CFAP58: variants seen among roughly 807,000 people sequenced by gnomAD.
The protein encoded by CFAP58 is cilia and flagella associated protein 58, also known as cilia- and flagella-associated protein 58.
CFAP58 carries 88 observed loss-of-function variants against 119.5 expected under a neutral mutation model. The ratio of observed to expected loss-of-function variants is 0.74; its 90% confidence interval spans 0.62 to 0.88. The LOEUF (loss-of-function observed/expected upper bound fraction) is 0.88, where lower values mean the gene tolerates loss of function less well. Among genes scored for constraint, CFAP58 ranks in the 40% least tolerant of loss-of-function variants. The probability of loss-of-function intolerance (pLI) is 0.00; values close to 1 mark genes in which losing one functional copy is unlikely to be tolerated. For synonymous variants in CFAP58, 365 were observed against 366.3 expected (o/e 1.00, Z 0.04); for missense variants, 990 against 1,021.2 (o/e 0.97, Z 0.42).
chr10:104,438,406 T>C lies in CFAP58; in HGVS notation c.2257-9292T>C, dbSNP rs369590341. 6.4e-3 allele frequency among the ~76,000 whole-genome samples: 893 copies of C among 138,712 alleles called. 9 individuals carry two copies. Among genetic ancestry groups the C allele is most frequent in the African/African-American group, 0.024 (831 of 35,320 alleles). The allele number at this position is 138,712 out of a possible 152,430, so 91.0% of individuals were successfully genotyped here. On this transcript the variant is annotated intron_variant, in intron 15 of 17. Coordinates refer to ENST00000369704, the MANE Select transcript of CFAP58 (RefSeq NM_001008723.2). ...TTTTTTGAGACGGAGTCTCGCTCTG[T>C]CGCCCAGGCCAGACTGCGGACTGCA... is the stretch of plus-strand genomic sequence containing the variant.
intron 15 of CFAP58, 24 bp from the exon 16 acceptor site, chr10:104,447,674 G>A (rs2013130932): frequency 6.2e-7 from 1 of 1,611,882 alleles, no homozygotes; most frequent in Admixed American, 1.7e-5. Context: ...GTTTATCTCT[G>A]CTCCTGGTTC....
At chr10:104,351,306 A>G (rs1256796106), upstream of CFAP58, among the ~76,000 whole-genome samples, 2 of 152,248 alleles carry the variant, frequency 1.3e-5, no homozygotes, top group African/African-American at 4.8e-5. Flanking sequence ...CACAGTTGCC[A>G]GTTTTCCTTG....
chr10:104,440,576 G>A (rs1427855390), intron 15 of CFAP58, among the ~76,000 whole-genome samples: 1 of 152,068 alleles, frequency 6.6e-6, no homozygotes, highest in African/African-American at 2.4e-5. Flanking sequence ...ATGTTTCTAG[G>A]GAATGAGGAG....
chr10:104,393,505 C>A, intron 11 of CFAP58, 30 bp downstream of exon 11: 1 of 1,587,850 alleles, frequency 6.3e-7, no homozygotes, highest in Non-Finnish European at 8.6e-7. Flanking sequence ...AGCAAAGTAC[C>A]AACAGTTCAT....
intron 5 of CFAP58, among the ~76,000 whole-genome samples, chr10:104,367,581 T>C (rs1250074417): frequency 5.3e-5 from 8 of 152,206 alleles, no homozygotes; most frequent in Admixed American, 1.3e-4. Flanking sequence ...TAAAAACTAT[T>C]CTCCTATGAA....
At position 104,362,070 on chromosome 10, in the gene CFAP58, G is replaced by C. The variant is rs768902324; in HGVS notation, c.339G>C (p.Glu113Asp). 3.7e-6 allele frequency: 6 copies of C among 1,613,998 alleles called. No individual in the cohort carries two copies. Among genetic ancestry groups the C allele is most frequent in the Admixed American group, 1.7e-5 (1 of 59,976 alleles). Residue 113 changes from glutamate (E) to aspartate (D), a missense_variant, in exon 3 of 18, where the codon GAG becomes GAC. Transcript: ENST00000369704. The stretch of plus-strand genomic sequence containing the variant: ...TGGTGGACTCAGCCTATGACAAAGA[G>C]CAGAAGGCCAAGGAGACGATTCTTG... Reference protein sequence around the residue: ...WKMVDSAYDKEQKAKETILAL... With the variant: ...WKMVDSAYDKDQKAKETILAL...
upstream of CFAP58, among the ~76,000 whole-genome samples, chr10:104,349,960 G>T (rs1416145733): frequency 1.3e-5 from 2 of 152,194 alleles, no homozygotes; most frequent in Non-Finnish European, 1.5e-5. Context: ...AAGAACCAGT[G>T]TAACAAGGAG....
At chr10:104,355,207 C>T (rs533180202) in intron 1 of CFAP58, among the ~76,000 whole-genome samples, 1 of 152,130 alleles carries the variant, frequency 6.6e-6, no homozygotes, top group Non-Finnish European at 1.5e-5. Context: ...TTTATTGTCC[C>T]ATTATTGCTT....
At chr10:104,449,056 A>G (rs2013153174) in intron 16 of CFAP58, among the ~76,000 whole-genome samples, 1 of 152,100 alleles carries the variant, frequency 6.6e-6, no homozygotes, top group Non-Finnish European at 1.5e-5. Flanking sequence ...GGTACTGAGC[A>G]TGTCTGCCAG....
At chr10:104,446,723 A>G (rs2013117327) in intron 15 of CFAP58, among the ~76,000 whole-genome samples, 1 of 152,224 alleles carries the variant, frequency 6.6e-6, no homozygotes, top group Non-Finnish European at 1.5e-5. Flanking sequence ...ATTGCAGTTT[A>G]GTGATTTGGA....
upstream of CFAP58, chr10:104,353,757 G>GGCCGACGC: frequency 1.1e-6 from 1 of 929,534 alleles, no homozygotes; most frequent in African/African-American, 1.6e-5. Context: ...CCAGGCGACG[G>GGCCGACGC]GCCGACGCGC....
rs1241967534 is a variant in CFAP58, at chr10:104,408,344, C to T, written c.2256+1551C>T. Reference sequence around the variant, plus strand: ...CATCTGTAAAATGGGGATAATAATACGTGTTTTTTATAATGGGAGGAGGAT... The same window carrying T: ...CATCTGTAAAATGGGGATAATAATATGTGTTTTTTATAATGGGAGGAGGAT... On this transcript the variant is annotated intron_variant, in intron 15 of 17. Coordinates refer to ENST00000369704, the MANE Select transcript of CFAP58 (RefSeq NM_001008723.2). Among the ~76,000 whole-genome samples, 5 of 152,140 alleles carry T rather than the reference C, an allele frequency of 3.3e-5. No homozygotes were observed. In the South Asian group the frequency reaches 1.0e-3, roughly 32 times the overall value.
Position 104,447,776 on chromosome 10 carries a change from C to G in CFAP58, c.2335C>G (p.Leu779Val), listed in dbSNP as rs1225193544. 1 of 1,614,110 alleles carries G rather than the reference C, an allele frequency of 6.2e-7. No individual in the cohort carries two copies. Among genetic ancestry groups the G allele is most frequent in the Non-Finnish European group, 8.5e-7 (1 of 1,179,984 alleles). Residue 779 changes from leucine (L) to valine (V), a missense_variant, in exon 16 of 18, where the codon CTG becomes GTG. Coordinates refer to ENST00000369704, the MANE Select transcript of CFAP58 (RefSeq NM_001008723.2). ...PGPEAAEQLK[L>V]YRRTLHDKKQ... ...ACCTGAGGCTGCGGAACAGCTGAAG[C>G]TGTACCGACGCACGCTGCATGACAA...
At chr10:104,447,485 C>T (rs2013127987) in intron 15 of CFAP58, among the ~76,000 whole-genome samples, 1 of 152,130 alleles carries the variant, frequency 6.6e-6, no homozygotes, top group Non-Finnish European at 1.5e-5. Flanking sequence ...TACTCATTGT[C>T]TTATTACTTG....
intron 14 of CFAP58, among the ~76,000 whole-genome samples, chr10:104,404,235 C>A (rs1006686119): frequency 6.6e-6 from 1 of 152,206 alleles, no homozygotes; most frequent in South Asian, 2.1e-4. Flanking sequence ...ATCTTTGCAT[C>A]CTTTTATTAC....
intron 7 of CFAP58, among the ~76,000 whole-genome samples, chr10:104,371,646 C>A (rs1219760540): frequency 1.3e-5 from 2 of 152,206 alleles, no homozygotes; most frequent in African/African-American, 2.4e-5. Context: ...TCCCGTCTCA[C>A]CACATCTGGT....
At chr10:104,361,803 G>A (rs1033014083) in intron 2 of CFAP58, among the ~76,000 whole-genome samples, 1 of 152,078 alleles carries the variant, frequency 6.6e-6, no homozygotes, top group Non-Finnish European at 1.5e-5. Context: ...TTCTTGCCTC[G>A]GCCTCCCGAG....
the CFAP58 span, among the ~76,000 whole-genome samples, chr10:104,340,283 T>TA: frequency 2.2e-4 from 34 of 152,322 alleles, 1 homozygote; most frequent in South Asian, 7.0e-3. Context: ...CAGAACGTGA[T>TA]ATGCTCTTTG....
At chr10:104,417,232 G>A (rs1334786930) in intron 15 of CFAP58, among the ~76,000 whole-genome samples, 1 of 152,216 alleles carries the variant, frequency 6.6e-6, no homozygotes. Flanking sequence ...GACCAGGCAT[G>A]GGCCTGGCCT....
Sources: allele counts gnomAD v4.1 joint callset (sites outside exome capture counted in the v4.1 genomes callset), GRCh38; gene constraint gnomAD v4.1.1; transcripts MANE v1.5; gene names NCBI Gene and HGNC (gene_info 2026-07-23, HGNC 2026-07-21).